Variants in OR6P1 observed in about 807,000 individuals in gnomAD.
OR6P1 encodes the protein olfactory receptor 6P1.
In OR6P1, 5 loss-of-function variants were observed where a neutral mutation model predicts 6.6. The ratio of observed to expected loss-of-function variants is 0.76; its 90% confidence interval spans 0.40 to 1.60. The LOEUF (loss-of-function observed/expected upper bound fraction) is 1.60, where lower values mean the gene tolerates loss of function less well. Ranked by LOEUF, OR6P1 falls within the 40% of genes most tolerant of loss-of-function variation. OR6P1 has a pLI of 0.02. For missense variants in OR6P1, 451 were observed against 383.0 expected (o/e 1.18, Z -1.48); for synonymous variants, 177 against 149.6 (o/e 1.18, Z -1.33).
At chr1:158,569,436 A>G (rs956669440) in intron 1 of OR6P1, among the ~76,000 whole-genome samples, 1 of 152,206 alleles carries the variant, frequency 6.6e-6, no homozygotes, top group African/African-American at 2.4e-5. Flanking sequence ...GTGCATAGGT[A>G]TATCCCACTC....
rs1329389463 is a variant in OR6P1, at chr1:158,566,767, G to T, written c.-26C>A. 1 of 152,090 alleles carries T rather than the reference G, an allele frequency of 6.6e-6. No homozygotes were observed. Among genetic ancestry groups the T allele is most frequent in the Non-Finnish European group, 1.5e-5 (1 of 68,012 alleles). 9.4% of individuals were successfully genotyped at this position (152,090 alleles called of 1,614,324 possible). On this transcript the variant is annotated 5_prime_UTR_variant, in exon 2 of 3. Coordinates refer to ENST00000641540, the MANE Select transcript of OR6P1 (RefSeq NM_001160325.2). ...AATTGGTGAAATTCCAACCTACCAG[G>T]GTCAGTCCTGAGGGATGTGGGAAAG... is the stretch of plus-strand genomic sequence containing the variant.
chr1:158,563,673 A>G (rs1326217151), intron 2 of OR6P1, 47 bp from the exon 3 acceptor site: 19 of 934,286 alleles, frequency 2.0e-5, no homozygotes, highest in African/African-American at 6.7e-5. Flanking sequence ...GATAGCTGCA[A>G]CAAACCACCA....
Position 158,562,759 on chromosome 1 carries a change from T to C in OR6P1, c.846A>G (p.Val282=), listed in dbSNP as rs1311749304. ...AGTAGATGGCTGGGTTGAAGAATGGTACAATGATAGTGTAGAGCACAGAGA... is the reference window on the plus strand; with the variant it reads ...AGTAGATGGCTGGGTTGAAGAATGGCACAATGATAGTGTAGAGCACAGAGA... The part of the protein sequence containing the change: ...KIISVLYTII[V]PFFNPAIYCL... Residue 282 remains valine (V), a synonymous_variant, in exon 3 of 3, where the codon GTA becomes GTG. Transcript: ENST00000641540. 1 of 1,556,600 alleles carries C rather than the reference T, an allele frequency of 6.4e-7. No individual in the cohort carries two copies. The highest frequency in any genetic ancestry group is 8.7e-7 in the Non-Finnish European group (1 of 1,149,534).
chr1:158,562,449 T>A lies in OR6P1; in HGVS notation c.*202A>T, dbSNP rs1349292338. The A allele has an allele frequency of 1.8e-6, 1 of 551,066 alleles. No homozygotes were observed. Among genetic ancestry groups the A allele is most frequent in the Admixed American group, 3.3e-5 (1 of 29,940 alleles). The allele number at this position is 551,066 out of a possible 1,614,324, so 34.1% of individuals were successfully genotyped here. A position where few individuals can be genotyped will look rare whatever the true frequency, so the allele number is the denominator to read the frequency against. On this transcript the variant is annotated 3_prime_UTR_variant, in exon 3 of 3. Transcript: ENST00000641540. The stretch of plus-strand genomic sequence containing the variant: ...TTAACAAATTCCCAGGTGATTCTTC[T>A]GTAGCTAGTCCAACCTTAGTTTGAA...
intron 1 of OR6P1, among the ~76,000 whole-genome samples, chr1:158,567,818 A>AATAAATAAAT (rs1284098148): frequency 2.0e-5 from 3 of 151,718 alleles, no homozygotes; most frequent in Non-Finnish European, 2.9e-5. Context: ...TAAATAAATA[A>AATAAATAAAT]AACTAAAACC....
chr1:158,563,818 G>C (rs1407906126), intron 2 of OR6P1, among the ~76,000 whole-genome samples, 192 bp from the exon 3 acceptor site: 1 of 152,072 alleles, frequency 6.6e-6, no homozygotes, highest in African/African-American at 2.4e-5. Context: ...CAATTACCTA[G>C]CAATCTTAAC....
chr1:158,562,810 C>T lies in OR6P1; in HGVS notation c.795G>A (p.Met265Ile). The T allele has an allele frequency of 6.4e-7, 1 of 1,552,168 alleles. No individual in the cohort carries two copies. Among genetic ancestry groups the T allele is most frequent in the Non-Finnish European group, 8.7e-7 (1 of 1,147,180 alleles). Residue 265 changes from methionine (M) to isoleucine (I), a missense_variant, in exon 3 of 3, where the codon ATG (methionine) becomes ATA (isoleucine). Coordinates refer to ENST00000641540, the MANE Select transcript of OR6P1 (RefSeq NM_001160325.2). The part of the protein sequence containing the change: ...TLFTYARPRA[M>I]YTFNHNKIIS... ...TAATCTTGTTGTGGTTGAAGGTGTACATGGCCCGGGGCCGTGCATAGGTGA... is the reference window on the plus strand; with the variant it reads ...TAATCTTGTTGTGGTTGAAGGTGTATATGGCCCGGGGCCGTGCATAGGTGA...
rs1647930415 is a variant in OR6P1 at position 158,560,661 on chromosome 1, A to G, written c.*1990T>C. On this transcript the variant is annotated 3_prime_UTR_variant, in exon 3 of 3. Coordinates refer to ENST00000641540, the MANE Select transcript of OR6P1 (RefSeq NM_001160325.2). ...GTCCTGAAAGCAGTTGAAGGAATAG[A>G]CTCTGTCATTTAAAGTCTTAGCTCA... 6.6e-6 allele frequency: 1 copy of G among 152,118 alleles called. No homozygotes were observed. Among genetic ancestry groups the G allele is most frequent in the African/African-American group, 2.4e-5 (1 of 41,420 alleles). The allele number at this position is 152,118 out of a possible 1,614,324, so 9.4% of individuals were successfully genotyped here.
chr1:158,562,987 C>T lies in OR6P1; in HGVS notation c.618G>A (p.Met206Ile). Residue 206 changes from methionine to isoleucine, a missense_variant, in exon 3 of 3, where the codon ATG becomes ATA. Physicochemically the swap from Met to Ile is conservative, Grantham distance 10 (BLOSUM62 1). Coordinates refer to ENST00000641540, the MANE Select transcript of OR6P1 (RefSeq NM_001160325.2). Reference protein sequence around the residue: ...ELVDFLLALVMILLPLLAVVS... With the variant: ...ELVDFLLALVIILLPLLAVVS... ...CCACAGCCAATAGAGGGAGTAGAAT[C>T]ATCACCAGGGCCAGAAGGAAGTCTA... The T allele has an allele frequency of 6.4e-7, 1 of 1,551,712 alleles. No homozygotes were observed. Among genetic ancestry groups the T allele is most frequent in the Non-Finnish European group, 8.7e-7 (1 of 1,146,996 alleles).
At chr1:158,566,591 T>C (rs1648101488) in intron 2 of OR6P1, among the ~76,000 whole-genome samples, 173 bp downstream of exon 2, 1 of 152,188 alleles carries the variant, frequency 6.6e-6, no homozygotes, top group Non-Finnish European at 1.5e-5. Context: ...CAAATCATAG[T>C]AGGCACTCAA....
rs1320535058 is a variant in OR6P1, at chr1:158,561,601, C to T, written c.*1050G>A. Reference sequence around the variant, plus strand: ...TAATCATTGAATTTGGTTCAATATGCAGAAATTTGTGTAAATGAGCCTAGA... The same window carrying T: ...TAATCATTGAATTTGGTTCAATATGTAGAAATTTGTGTAAATGAGCCTAGA... On this transcript the variant is annotated 3_prime_UTR_variant, in exon 3 of 3. Coordinates refer to ENST00000641540, the MANE Select transcript of OR6P1 (RefSeq NM_001160325.2). 6.6e-6 allele frequency: 1 copy of T among 152,136 alleles called. No individual in the cohort carries two copies. The highest frequency in any genetic ancestry group is 1.5e-5 in the Non-Finnish European group (1 of 68,012). 9.4% of individuals were successfully genotyped at this position (152,136 alleles called of 1,614,324 possible). A position where few individuals can be genotyped will look rare whatever the true frequency, so the allele number is the denominator to read the frequency against.
chr1:158,564,369 A>T (rs894217930), intron 2 of OR6P1, among the ~76,000 whole-genome samples: 1 of 152,172 alleles, frequency 6.6e-6, no homozygotes, highest in Non-Finnish European at 1.5e-5. Flanking sequence ...ATATTTTGCA[A>T]ATGTGATTAA....
rs186866432 is a variant in OR6P1, at chr1:158,564,186, G to A, written c.-22-560C>T. Among the ~76,000 whole-genome samples the A allele has an allele frequency of 2.8e-3, 423 of 152,252 alleles. 4 individuals carry two copies. Among genetic ancestry groups the A allele is most frequent in the Middle Eastern group, 0.01 (3 of 294 alleles). The stretch of plus-strand genomic sequence containing the variant: ...AATACAAAGGAGATAATGAAGTTCT[G>A]CTCCAGAGAATAGTTATTTTTCCGT... On this transcript the variant is annotated intron_variant, in intron 2 of 2. Transcript: ENST00000641540.
chr1:158,562,928 A>C lies in OR6P1; in HGVS notation c.677T>G (p.Leu226Arg), dbSNP rs910871025. Residue 226 changes from leucine to arginine, a missense_variant, in exon 3 of 3, where the codon CTG becomes CGG. Leu to Arg is a moderately radical substitution (Grantham distance 102). Transcript: ENST00000641540. ...SSYTAIIAAILRIPTSRGRHK... is the reference protein window; with the variant it reads ...SSYTAIIAAIRRIPTSRGRHK... Reference sequence around the variant, plus strand: ...GCGTCCCCTGGACGTAGGGATCCTCAGGATGGCTGCAATGATGGCAGTGTA... The same window carrying C: ...GCGTCCCCTGGACGTAGGGATCCTCCGGATGGCTGCAATGATGGCAGTGTA... 6.4e-7 allele frequency: 1 copy of C among 1,551,860 alleles called. No homozygotes were observed. Among genetic ancestry groups the C allele is most frequent in the Admixed American group, 2.0e-5 (1 of 51,008 alleles).
chr1:158,567,794 A>G (rs1359924951), intron 1 of OR6P1, among the ~76,000 whole-genome samples: 1 of 39,262 alleles, frequency 2.5e-5, no homozygotes, highest in Admixed American at 2.1e-4. Flanking sequence ...AAAGTATAAT[A>G]ATAAATAAAT....
rs1647938330 is a variant in OR6P1, at chr1:158,560,974, A to T, written c.*1677T>A. ...GTAATGTTTATTAGGTTTCTAGAGA[A>T]CCAGAACTAGAAATTAATCCAAGAT... On this transcript the variant is annotated 3_prime_UTR_variant, in exon 3 of 3. Transcript: ENST00000641540. The T allele has an allele frequency of 6.6e-6, 1 of 152,216 alleles. No homozygotes were observed. Among genetic ancestry groups the T allele is most frequent in the African/African-American group, 2.4e-5 (1 of 41,462 alleles). The allele number at this position is 152,216 out of a possible 1,614,324, so 9.4% of individuals were successfully genotyped here.
intron 2 of OR6P1, among the ~76,000 whole-genome samples, chr1:158,565,476 C>G (rs957886972): frequency 2.0e-5 from 3 of 152,054 alleles, no homozygotes; most frequent in African/African-American, 7.2e-5. Flanking sequence ...TTATTGATTT[C>G]TCTGTATCAT....
In OR6P1 at chr1:158,561,262, A is replaced by G. The variant is rs1360405944; in HGVS notation, c.*1389T>C. The G allele has an allele frequency of 6.6e-6, 1 of 152,200 alleles. No individual in the cohort carries two copies. Among genetic ancestry groups the G allele is most frequent in the Non-Finnish European group, 1.5e-5 (1 of 68,024 alleles). The allele number at this position is 152,200 out of a possible 1,614,324, so 9.4% of individuals were successfully genotyped here. On this transcript the variant is annotated 3_prime_UTR_variant, in exon 3 of 3. Transcript: ENST00000641540. ...TCTCATAATTCTATGAAAGGAGAGG[A>G]GAATGTAATGTAAATTGAGCTATGT...
rs1443811793 is a variant in OR6P1 at position 158,562,247 on chromosome 1, T to C, written c.*404A>G. ...GCATGTCCACCAGTAAGTTCCCTTG[T>C]TTTCTCATATTATATTTTCTCACTT... On this transcript the variant is annotated 3_prime_UTR_variant, in exon 3 of 3. Coordinates refer to ENST00000641540, the MANE Select transcript of OR6P1 (RefSeq NM_001160325.2). 6.3e-6 allele frequency: 1 copy of C among 159,520 alleles called. No individual in the cohort carries two copies. Among genetic ancestry groups the C allele is most frequent in the African/African-American group, 2.4e-5 (1 of 41,534 alleles). The allele number at this position is 159,520 out of a possible 1,614,324, so 9.9% of individuals were successfully genotyped here. A position where few individuals can be genotyped will look rare whatever the true frequency, so the allele number is the denominator to read the frequency against.
Sources: gnomAD v4.1 joint callset for allele counts (sites outside exome capture counted in the v4.1 genomes callset) on GRCh38, gnomAD v4.1.1 for gene constraint, MANE v1.5 for transcripts, NCBI Gene and HGNC (gene_info 2026-07-23, HGNC 2026-07-21) for gene names.